The following LAMP3 variants were observed in gnomAD, a reference collection of about 807,000 sequenced individuals.
The protein encoded by LAMP3 is lysosome-associated membrane glycoprotein 3.
A neutral mutation model predicts 34.8 loss-of-function variants in LAMP3; 26 were observed. The observed-to-expected ratio is 0.75, with a 90% CI of 0.55 to 1.04. The LOEUF is 1.04. Among genes scored for constraint, LAMP3 ranks in the 50% least tolerant of loss-of-function variants. LAMP3 has a pLI of 0.00. For missense variants in LAMP3, 495 were observed against 524.0 expected, an observed-to-expected ratio of 0.94 and a Z score of 0.54; for synonymous variants, 180 against 201.9, an observed-to-expected ratio of 0.89 and a Z score of 0.92.
chr3:183,136,667 A>AAAC (rs1553874651), intron 4 of LAMP3, among the ~76,000 whole-genome samples: 9 of 148,448 alleles, frequency 6.1e-5, no homozygotes, highest in South Asian at 2.1e-4. Flanking sequence ...AAAAAAAAAA[A>AAAC]AAACAACTCA....
intron 1 of LAMP3, among the ~76,000 whole-genome samples, chr3:183,155,510 T>C (rs906822162): frequency 6.6e-6 from 1 of 152,246 alleles, no homozygotes; most frequent in Non-Finnish European, 1.5e-5. Context: ...GCATCTTCCT[T>C]GTCCTCCTTA....
intron 1 of LAMP3, chr3:183,162,006 G>A: frequency 2.0e-6 from 2 of 984,952 alleles, no homozygotes; most frequent in South Asian, 4.7e-5. Context: ...CGGTAGGGAC[G>A]GAGACAGTTC....
At chr3:183,150,678 T>G (rs934405398) in intron 3 of LAMP3, among the ~76,000 whole-genome samples, 1 of 145,110 alleles carries the variant, frequency 6.9e-6, no homozygotes, top group African/African-American at 2.5e-5. Context: ...CACCTTAGCC[T>G]CCTGAGTAGC....
intron 3 of LAMP3, among the ~76,000 whole-genome samples, chr3:183,145,955 A>G (rs1720427333): frequency 6.6e-6 from 1 of 152,222 alleles, no homozygotes; most frequent in Non-Finnish European, 1.5e-5. Flanking sequence ...ATTGTTAGGG[A>G]CAAAGTAGGT....
At chr3:183,139,461 A>T (rs552648) in intron 4 of LAMP3, among the ~76,000 whole-genome samples, 93,907 of 151,456 alleles carry the variant, frequency 0.62, 30,886 homozygotes, top group Non-Finnish European at 0.74. Context: ...GGGGGATACA[A>T]CCCAAGACCC....
At chr3:183,140,217 G>A (rs1003289738) in intron 4 of LAMP3, among the ~76,000 whole-genome samples, 4 of 151,854 alleles carry the variant, frequency 2.6e-5, no homozygotes, top group South Asian at 2.1e-4. Flanking sequence ...GACCAGTCTC[G>A]CCAATGTGGT....
rs759012331 is a variant in LAMP3 at position 183,126,241 on chromosome 3, G to C, written c.1118-2027C>G. Reference sequence around the variant, plus strand: ...CATTAAAAAGAACGTGGTAGGTCTCGGTGTTCTGTAACAGAAGTTCCTTAA... The same window carrying C: ...CATTAAAAAGAACGTGGTAGGTCTCCGTGTTCTGTAACAGAAGTTCCTTAA... On this transcript the variant is annotated intron_variant, in intron 5 of 5. Transcript: ENST00000265598. Among the ~76,000 whole-genome samples the C allele has an allele frequency of 5.3e-5, 8 of 151,344 alleles. No individual in the cohort carries two copies. In the East Asian group the frequency reaches 1.5e-3, roughly 29 times the overall value.
chr3:183,131,803 C>T (rs1719932453), intron 5 of LAMP3: 1 of 527,546 alleles, frequency 1.9e-6, no homozygotes, highest in Admixed American at 6.4e-5. Context: ...CAATTAAGAA[C>T]ATACCTCTCC....
chr3:183,148,833 A>C (rs947640921), intron 3 of LAMP3, among the ~76,000 whole-genome samples: 2 of 152,244 alleles, frequency 1.3e-5, no homozygotes, highest in African/African-American at 4.8e-5. Context: ...TTGCAATCCA[A>C]CTGCTAGATA....
chr3:183,131,927 G>A (rs1319009233), intron 5 of LAMP3: 4 of 985,192 alleles, frequency 4.1e-6, no homozygotes, highest in East Asian at 2.3e-4. Flanking sequence ...CATCAGGAAT[G>A]TACTGCTTTT....
intron 3 of LAMP3, among the ~76,000 whole-genome samples, chr3:183,150,890 C>CA (rs1019003885): frequency 2.0e-4 from 31 of 152,096 alleles, no homozygotes; most frequent in Admixed American, 1.6e-3. Context: ...AGGGATAGAG[C>CA]AGTTACTCTA....
Position 183,124,188 on chromosome 3 carries a change from T to C in LAMP3, c.1144A>G (p.Ile382Val), listed in dbSNP as rs755688192. ...NVDECSSDYT[I>V]VLPVIGAIVV... ...ATGGCCCCAATCACAGGAAGCACAA[T>C]TGTGTAGTCAGACGAGCACTCATCC... Residue 382 changes from isoleucine (I) to valine (V), a missense_variant, in exon 6 of 6, where the codon ATT (isoleucine) becomes GTT (valine). By Grantham distance (29) the Ile-to-Val change is conservative. Transcript: ENST00000265598. 3.4e-5 allele frequency: 54 copies of C among 1,604,628 alleles called. No individual in the cohort carries two copies. The South Asian group carries it at 5.1e-4, about 15-fold the overall frequency.
At chr3:183,134,309 G>C (rs1395677592) in intron 5 of LAMP3, among the ~76,000 whole-genome samples, 1 of 66,272 alleles carries the variant, frequency 1.5e-5, no homozygotes, top group Non-Finnish European at 3.3e-5. Context: ...TCCAGTTAAT[G>C]ATGGTTTTAA....
rs956354864 is a variant in LAMP3 at position 183,162,616 on chromosome 3, A to T, written c.40T>A (p.Ser14Thr). ...QLSAAAALFA[S>T]LAVILHDGSQ... ...GCTGAGGGCCACTCACCGGCCAGGGACGCGAAGAGCGCGGCCGCCGCGCTG... is the reference window on the plus strand; with the variant it reads ...GCTGAGGGCCACTCACCGGCCAGGGTCGCGAAGAGCGCGGCCGCCGCGCTG... The change falls in exon 1 of 6, where the codon TCC becomes ACC. Residue 14 changes from serine to threonine, a missense_variant. Physicochemically the swap from Ser to Thr is moderately conservative, Grantham distance 58. Transcript: ENST00000265598. 4 of 1,545,742 alleles carry T rather than the reference A, an allele frequency of 2.6e-6. No homozygotes were observed. In the African/African-American group the frequency reaches 5.5e-5, roughly 21 times the overall value.
intron 5 of LAMP3, among the ~76,000 whole-genome samples, chr3:183,126,758 T>C (rs1719790555): frequency 6.6e-6 from 1 of 152,194 alleles, no homozygotes; most frequent in Admixed American, 6.5e-5. Context: ...CAGGCCTCTT[T>C]CTTTAGAACT....
At chr3:183,150,478 G>T (rs1404273093) in intron 3 of LAMP3, among the ~76,000 whole-genome samples, 1 of 152,046 alleles carries the variant, frequency 6.6e-6, no homozygotes, top group African/African-American at 2.4e-5. Context: ...TGGGCAGTGG[G>T]CAGTGGGTCT....
In LAMP3 at chr3:183,154,149, T is replaced by C; in HGVS notation, c.292A>G (p.Ser98Gly). ...GTGACCAGGGTGTAGGTAATTGGGC[T>C]GGTGGTTGCAGTGTTTTTTGTAGTC... is the stretch of plus-strand genomic sequence containing the variant. ...PATTKNTATTSPITYTLVTTQ... is the reference protein window; with the variant it reads ...PATTKNTATTGPITYTLVTTQ... The change falls in exon 2 of 6, where the codon AGC becomes GGC. Residue 98 changes from serine (S) to glycine (G), a missense_variant. Physicochemically the swap from Ser to Gly is moderately conservative, Grantham distance 56 (BLOSUM62 0). Transcript: ENST00000265598. The C allele has an allele frequency of 1.2e-6, 2 of 1,613,922 alleles. No individual in the cohort carries two copies. Among genetic ancestry groups the C allele is most frequent in the African/African-American group, 2.7e-5 (2 of 75,012 alleles).
At position 183,161,854 on chromosome 3, in the gene LAMP3, G is replaced by T. The variant is rs534200142; in HGVS notation, c.49+753C>A. 18 of 491,334 alleles carry T rather than the reference G, an allele frequency of 3.7e-5. No homozygotes were observed. In the South Asian group the frequency reaches 1.5e-3, roughly 40 times the overall value. 30.4% of individuals were successfully genotyped at this position (491,334 alleles called of 1,614,324 possible). On this transcript the variant is annotated intron_variant, in intron 1 of 5. Coordinates refer to ENST00000265598, the MANE Select transcript of LAMP3 (RefSeq NM_014398.4). ...CTGTCCCCTAAAAGAACCTGAAACTGTAAGTGTGAAAGTGTGGCGCAGGGG... is the reference window on the plus strand; with the variant it reads ...CTGTCCCCTAAAAGAACCTGAAACTTTAAGTGTGAAAGTGTGGCGCAGGGG...
intron 1 of LAMP3, among the ~76,000 whole-genome samples, chr3:183,157,490 G>A (rs536390782): frequency 1.4e-4 from 22 of 152,260 alleles, no homozygotes; most frequent in African/African-American, 4.8e-4. Flanking sequence ...AAACACCAAC[G>A]AAAGCCCCAT....
Sources: gnomAD v4.1 joint callset for allele counts (sites outside exome capture counted in the v4.1 genomes callset) on GRCh38, gnomAD v4.1.1 for gene constraint, MANE v1.5 for transcripts, NCBI Gene and HGNC (gene_info 2026-07-23, HGNC 2026-07-21) for gene names.